The following NKAP variants were observed in gnomAD, a reference collection of about 807,000 sequenced individuals.
NKAP encodes the protein NFKB activating protein.
In NKAP, 4 loss-of-function variants were observed where a neutral mutation model predicts 35.6. The ratio of observed to expected loss-of-function variants is 0.11; its 90% confidence interval spans 0.06 to 0.26. The LOEUF (loss-of-function observed/expected upper bound fraction) is 0.26, where lower values mean the gene tolerates loss of function less well. Among genes scored for constraint, NKAP ranks in the 10% least tolerant of loss-of-function variants. The probability of loss-of-function intolerance (pLI) is 1.00; values close to 1 mark genes in which losing one functional copy is unlikely to be tolerated. For missense variants in NKAP, 238 were observed against 321.9 expected (o/e 0.74, Z 1.99); for synonymous variants, 106 against 119.2 (o/e 0.89, Z 0.72).
Position 119,934,501 on chromosome X carries a change from G to T in NKAP, c.730C>A (p.His244Asn). The change falls in exon 5 of 9, where the codon CAC becomes AAC. Residue 244 changes from histidine to asparagine, a missense_variant. Transcript: ENST00000371410. ...KAKKKEKKKK[H>N]RSKKYKKKRS... Reference sequence around the variant, plus strand: ...AAAACTTAAAAAACTGACGATCTGTGTTTCTTCTTCTTTTCCTTTTTCTTG... The same window carrying T: ...AAAACTTAAAAAACTGACGATCTGTTTTTCTTCTTCTTTTCCTTTTTCTTG... The T allele has an allele frequency of 9.0e-7, 1 of 1,109,273 alleles. No homozygotes were observed. The highest frequency in any genetic ancestry group is 1.2e-6 in the Non-Finnish European group (1 of 839,685). 91.4% of individuals were successfully genotyped at this position (1,109,273 alleles called of 1,213,427 possible).
chrX:119,943,690 C>T lies in NKAP; in HGVS notation c.-85G>A, dbSNP rs1225359582. ...ATGTCTGTTGCCTTGGTTCCCGGGACCTGCCGCTGCGGAACAGCCCAAATC... is the reference window on the plus strand; with the variant it reads ...ATGTCTGTTGCCTTGGTTCCCGGGATCTGCCGCTGCGGAACAGCCCAAATC... On this transcript the variant is annotated 5_prime_UTR_variant, in exon 1 of 9. Coordinates refer to ENST00000371410, the MANE Select transcript of NKAP (RefSeq NM_024528.4). 1 of 1,042,086 alleles carries T rather than the reference C, an allele frequency of 9.6e-7. No individual in the cohort carries two copies. Among genetic ancestry groups the T allele is most frequent in the African/African-American group, 1.9e-5 (1 of 53,284 alleles). 85.9% of individuals were successfully genotyped at this position (1,042,086 alleles called of 1,213,427 possible).
chrX:119,932,375 T>C (rs186004474), intron 5 of NKAP, 159 bp from the exon 6 acceptor site: 4,911 of 373,882 alleles, frequency 0.013, 53 homozygotes, highest in Non-Finnish European at 0.013. Flanking sequence ...TCCCAGCTTA[T>C]TCAAACTTAC....
At chrX:119,934,347 C>T (rs5910709) in intron 5 of NKAP, 147 bp downstream of exon 5, 86,142 of 329,757 alleles carry the variant, frequency 0.26, 9,566 homozygotes, top group Middle Eastern at 0.35. Flanking sequence ...ACATGAGAAT[C>T]GCTTGAACCT....
intron 2 of NKAP, chrX:119,937,254 T>C (rs949399973): frequency 1.8e-5 from 2 of 110,839 alleles, no homozygotes; most frequent in Admixed American, 9.7e-5. Context: ...AGAAAAGGAG[T>C]TTCCACATCA....
rs908532591 is a variant in NKAP at position 119,921,481 on chromosome X, A to T, written c.*3739T>A. The T allele has an allele frequency of 1.9e-5, 2 of 106,829 alleles. No homozygotes were observed. Among genetic ancestry groups the T allele is most frequent in the Admixed American group, 1.1e-4 (1 of 9,356 alleles). 8.8% of individuals were successfully genotyped at this position (106,829 alleles called of 1,213,427 possible). A position where few individuals can be genotyped will look rare whatever the true frequency, so the allele number is the denominator to read the frequency against. Reference sequence around the variant, plus strand: ...TAGATATTTGTGCAATAAATAAAAAAGGAGGGAAAACCACATCAGAGCAAT... The same window carrying T: ...TAGATATTTGTGCAATAAATAAAAATGGAGGGAAAACCACATCAGAGCAAT... On this transcript the variant is annotated 3_prime_UTR_variant, in exon 9 of 9. Transcript: ENST00000371410.
At chrX:119,936,191 A>C in intron 4 of NKAP, 106 bp downstream of exon 4, 1 of 897,331 alleles carries the variant, frequency 1.1e-6, no homozygotes, top group Non-Finnish European at 1.6e-6. Flanking sequence ...GTGTTCAAAA[A>C]CTCTTCAGTA....
intron 2 of NKAP, 74 bp downstream of exon 2, chrX:119,938,656 A>T: frequency 1.4e-6 from 1 of 726,239 alleles, no homozygotes; most frequent in African/African-American, 2.2e-5. Flanking sequence ...TTCTTCACTT[A>T]AACATTTTCA....
At chrX:119,931,132 A>T in intron 7 of NKAP, among the ~76,000 whole-genome samples, 1 of 108,964 alleles carries the variant, frequency 9.2e-6, no homozygotes, top group Non-Finnish European at 1.9e-5. Context: ...ACAGAGTGAA[A>T]CTCAATCACA....
intron 1 of NKAP, chrX:119,942,963 C>A (rs777564041): frequency 1.1e-5 from 4 of 361,534 alleles, no homozygotes; most frequent in Non-Finnish European, 1.9e-5. Context: ...TCTGAACTCT[C>A]GGCAATATTC....
In NKAP at chrX:119,943,544, C is replaced by A; in HGVS notation, c.62G>T (p.Arg21Leu). The change falls in exon 1 of 9, where the codon CGT becomes CTT. Residue 21 changes from arginine to leucine, a missense_variant. By Grantham distance (102) the Arg-to-Leu change is moderately radical (BLOSUM62 -2). Coordinates refer to ENST00000371410, the MANE Select transcript of NKAP (RefSeq NM_024528.4). The stretch of plus-strand genomic sequence containing the variant: ...CTTCGGACTCTTCGACGAACTGCGA[C>A]GTCTTCCCCCCGAGCCCGAGGCCTC... ...DREASGSGGRRRSSSKSPKPS... is the reference protein window; with the variant it reads ...DREASGSGGRLRSSSKSPKPS... 10 of 1,206,460 alleles carry A rather than the reference C, an allele frequency of 8.3e-6. No individual in the cohort carries two copies. The highest frequency in any genetic ancestry group is 1.1e-5 in the Non-Finnish European group (10 of 892,068).
intron 1 of NKAP, chrX:119,942,713 C>T (rs1451550245): frequency 9.0e-6 from 1 of 111,535 alleles, no homozygotes; most frequent in East Asian, 2.8e-4. Context: ...TGATTTCATT[C>T]CTTCCTAATT....
intron 8 of NKAP, among the ~76,000 whole-genome samples, chrX:119,927,715 GTCC>G (rs2056722124): frequency 8.9e-6 from 1 of 112,511 alleles, no homozygotes; most frequent in African/African-American, 3.2e-5. Context: ...TTCATAATAA[GTCC>G]TCCTATTTGT....
intron 8 of NKAP, among the ~76,000 whole-genome samples, chrX:119,926,182 T>G (rs906538300): frequency 9.7e-6 from 1 of 103,220 alleles, no homozygotes; most frequent in African/African-American, 3.6e-5. Context: ...GGTCTCGATC[T>G]CCTGACCTCA....
At chrX:119,936,562 C>A (rs770724864) in intron 3 of NKAP, 50 bp downstream of exon 3, 1 of 1,041,644 alleles carries the variant, frequency 9.6e-7, no homozygotes, top group East Asian at 3.2e-5. Context: ...TTTTTTAAAT[C>A]TCTCAATAAA....
At chrX:119,940,963 A>G (rs1443163533) in intron 1 of NKAP, among the ~76,000 whole-genome samples, 2 of 110,213 alleles carry the variant, frequency 1.8e-5, no homozygotes, top group African/African-American at 6.6e-5. Context: ...AACATGGCGA[A>G]ACCCCGTCTC....
At chrX:119,925,496 A>C in intron 8 of NKAP, 102 bp from the exon 9 acceptor site, 2 of 815,150 alleles carry the variant, frequency 2.5e-6, no homozygotes, top group Non-Finnish European at 3.4e-6. Flanking sequence ...AACAGCTGAC[A>C]AAAATTGAAA....
At chrX:119,940,200 A>T (rs1344366888) in intron 1 of NKAP, among the ~76,000 whole-genome samples, 1 of 109,881 alleles carries the variant, frequency 9.1e-6, no homozygotes, top group Non-Finnish European at 1.9e-5. Flanking sequence ...TTAGCTGGAC[A>T]CGGTGGCATG....
chrX:119,941,674 G>A (rs1298519170), intron 1 of NKAP, among the ~76,000 whole-genome samples: 1 of 111,147 alleles, frequency 9.0e-6, no homozygotes, highest in African/African-American at 3.3e-5. Flanking sequence ...CACCCAAGCT[G>A]GAGTGCAGTG....
intron 1 of NKAP, among the ~76,000 whole-genome samples, chrX:119,940,664 C>T (rs931403081): frequency 8.9e-6 from 1 of 112,246 alleles, no homozygotes; most frequent in African/African-American, 3.2e-5. Context: ...TTGTATAAAT[C>T]GTTTTTGCCT....
Sources: allele counts gnomAD v4.1 joint callset (sites outside exome capture counted in the v4.1 genomes callset), GRCh38; gene constraint gnomAD v4.1.1; transcripts MANE v1.5; gene names NCBI Gene and HGNC (gene_info 2026-07-23, HGNC 2026-07-21).